The following SGCZ variants were observed in gnomAD, a reference collection of about 807,000 sequenced individuals.
SGCZ encodes the protein zeta-sarcoglycan.
SGCZ carries 40 observed loss-of-function variants against 41.3 expected under a neutral mutation model. The ratio of observed to expected loss-of-function variants is 0.97; its 90% CI spans 0.75 to 1.26. The LOEUF (loss-of-function observed/expected upper bound fraction) is 1.26. SGCZ is among the 50% of genes most tolerant of loss of function. The pLI is 0.00. For synonymous variants in SGCZ, 206 were observed against 137.5 expected, an observed-to-expected ratio of 1.50 and a Z score of -3.49; for missense variants, 552 against 369.8, an observed-to-expected ratio of 1.49 and a Z score of -4.04.
At chr8:14,818,521 C>T (rs1040723828) in intron 1 of SGCZ, among the ~76,000 whole-genome samples, 6 of 152,116 alleles carry the variant, frequency 3.9e-5, no homozygotes, top group South Asian at 2.1e-4. Context: ...ACAGCAAACA[C>T]GAAAAGTCAA....
chr8:15,184,291 A>G (rs2117094188), intron 1 of SGCZ, among the ~76,000 whole-genome samples: 1 of 152,312 alleles, frequency 6.6e-6, no homozygotes, highest in African/African-American at 2.4e-5. Flanking sequence ...TTATATTTAA[A>G]ACAAACACGG....
chr8:14,331,841 T>C (rs995841198), intron 2 of SGCZ, among the ~76,000 whole-genome samples: 1 of 151,872 alleles, frequency 6.6e-6, no homozygotes, highest in Non-Finnish European at 1.5e-5. Flanking sequence ...TGCAAATGCT[T>C]TTTTAAAAGC....
intron 1 of SGCZ, among the ~76,000 whole-genome samples, chr8:15,181,436 G>A (rs1800176396): frequency 6.6e-6 from 1 of 152,130 alleles, no homozygotes; most frequent in African/African-American, 2.4e-5. Context: ...GTGTTCCCAT[G>A]AAATTGAGAA....
At chr8:14,872,360 T>G (rs1804193436) in intron 1 of SGCZ, among the ~76,000 whole-genome samples, 1 of 152,162 alleles carries the variant, frequency 6.6e-6, no homozygotes, top group Admixed American at 6.6e-5. Context: ...GTTACTTTTC[T>G]ATTGTTCTCA....
chr8:14,172,866 G>C (rs1311439092), intron 4 of SGCZ, among the ~76,000 whole-genome samples: 1 of 152,044 alleles, frequency 6.6e-6, no homozygotes, highest in African/African-American at 2.4e-5. Flanking sequence ...TTTGTAAAAA[G>C]GCTGCATTGT....
chr8:14,705,096 A>G (rs549750494), intron 1 of SGCZ, among the ~76,000 whole-genome samples: 1 of 152,056 alleles, frequency 6.6e-6, no homozygotes, highest in South Asian at 2.1e-4. Context: ...AAAACTGTCC[A>G]AATGAAGATT....
At chr8:15,014,487 T>A (rs921926039) in intron 1 of SGCZ, among the ~76,000 whole-genome samples, 1 of 152,246 alleles carries the variant, frequency 6.6e-6, no homozygotes, top group Non-Finnish European at 1.5e-5. Context: ...AGTTACTTTA[T>A]ACCTTCACTT....
intron 5 of SGCZ, among the ~76,000 whole-genome samples, chr8:14,151,387 T>C (rs1056001514): frequency 2.0e-5 from 3 of 151,948 alleles, no homozygotes; most frequent in Non-Finnish European, 4.4e-5. Context: ...TATCAGAACA[T>C]TTACAGATAA....
At chr8:14,755,117 A>AT (rs1208643404) in intron 1 of SGCZ, among the ~76,000 whole-genome samples, 5 of 151,796 alleles carry the variant, frequency 3.3e-5, no homozygotes, top group African/African-American at 9.7e-5. Context: ...ATGAATATAT[A>AT]TTTTTTCTGT....
At chr8:14,860,103 A>G (rs1440328656) in intron 1 of SGCZ, among the ~76,000 whole-genome samples, 1 of 152,172 alleles carries the variant, frequency 6.6e-6, no homozygotes. Flanking sequence ...AAACATAAAG[A>G]TGCTCTGTGG....
chr8:15,167,932 T>C lies in SGCZ; in HGVS notation c.39+69653A>G, dbSNP rs927025844. On this transcript the variant is annotated intron_variant, in intron 1 of 7. Transcript: ENST00000382080. ...AATCCTGCCAGGTCATGGGAATAAA[T>C]AGGGTGCCCATCACTTGGCGGTTTC... Among the ~76,000 whole-genome samples the C allele has an allele frequency of 1.5e-4, 23 of 152,144 alleles. 1 individual carries two copies. Among genetic ancestry groups the C allele is most frequent in the African/African-American group, 5.3e-4 (22 of 41,448 alleles).
At chr8:15,065,927 T>C (rs1002135728) in intron 1 of SGCZ, among the ~76,000 whole-genome samples, 1 of 152,238 alleles carries the variant, frequency 6.6e-6, no homozygotes, top group East Asian at 1.9e-4. Flanking sequence ...AGGTGAAATA[T>C]GTGAAATTTC....
intron 3 of SGCZ, among the ~76,000 whole-genome samples, chr8:14,279,492 G>T (rs761353250): frequency 1.3e-5 from 2 of 151,680 alleles, no homozygotes; most frequent in African/African-American, 4.8e-5. Flanking sequence ...AGCATTCAGT[G>T]GCGGGAATTT....
chr8:14,323,943 A>AT (rs1802010203), intron 3 of SGCZ, among the ~76,000 whole-genome samples, 160 bp downstream of exon 3: 1 of 152,000 alleles, frequency 6.6e-6, no homozygotes, highest in South Asian at 2.1e-4. Context: ...ACCTCCACTG[A>AT]TTTTCAATGA....
At chr8:14,696,823 C>G (rs1263526297) in intron 1 of SGCZ, among the ~76,000 whole-genome samples, 1 of 151,488 alleles carries the variant, frequency 6.6e-6, no homozygotes. Flanking sequence ...GTCCAGAAGG[C>G]AAGCAGGCAA....
intron 1 of SGCZ, among the ~76,000 whole-genome samples, chr8:14,635,028 GTAT>G (rs1806782880): frequency 6.6e-6 from 1 of 151,278 alleles, no homozygotes; most frequent in Admixed American, 6.6e-5. Flanking sequence ...TTAGTAGTAT[GTAT>G]TATTATGTTG....
intron 3 of SGCZ, among the ~76,000 whole-genome samples, chr8:14,300,323 AAGAG>A (rs575499613): frequency 6.6e-6 from 1 of 151,556 alleles, no homozygotes; most frequent in Non-Finnish European, 1.5e-5. Context: ...GGAAAGAACA[AAGAG>A]AGAGACACGG....
At chr8:14,233,748 C>A (rs1024870546) in intron 4 of SGCZ, among the ~76,000 whole-genome samples, 3 of 150,926 alleles carry the variant, frequency 2.0e-5, no homozygotes, top group African/African-American at 7.3e-5. Context: ...ATATAACACA[C>A]CTAAAGTCAA....
chr8:14,306,777 T>C (rs1433391848), intron 3 of SGCZ, among the ~76,000 whole-genome samples: 1 of 152,162 alleles, frequency 6.6e-6, no homozygotes, highest in African/African-American at 2.4e-5. Flanking sequence ...AAATAAAAAA[T>C]GTGGTAAATA....
Sources: gnomAD v4.1 joint callset for allele counts (sites outside exome capture counted in the v4.1 genomes callset) on GRCh38, gnomAD v4.1.1 for gene constraint, MANE v1.5 for transcripts, NCBI Gene and HGNC (gene_info 2026-07-23, HGNC 2026-07-21) for gene names.